Variants in WNK2 observed in about 807,000 individuals in gnomAD.
WNK2 encodes the protein serine/threonine-protein kinase WNK2.
WNK2 carries 67 observed loss-of-function variants against 192.1 expected under a neutral mutation model. That is an observed-to-expected ratio of 0.35 (90% confidence interval 0.29 to 0.43). The LOEUF is 0.43. Ranked by LOEUF, WNK2 falls within the 20% of genes least tolerant of loss-of-function variation. The pLI is 1.00. For synonymous variants in WNK2, 1,439 were observed against 1,393.9 expected (o/e 1.03, Z -0.72); for missense variants, 2,698 against 3,089.7 (o/e 0.87, Z 3.01).
Position 93,289,520 on chromosome 9 carries a change from G to C in WNK2, c.4766G>C (p.Arg1589Thr), listed in dbSNP as rs774830728. 1 of 1,601,920 alleles carries C rather than the reference G, an allele frequency of 6.2e-7. No individual in the cohort carries two copies. Among genetic ancestry groups the C allele is most frequent in the East Asian group, 2.2e-5 (1 of 44,548 alleles). Residue 1589 changes from arginine to threonine, a missense_variant, in exon 20 of 30, where the codon AGA becomes ACA. Physicochemically the swap from Arg to Thr is moderately conservative, Grantham distance 71 (BLOSUM62 -1). Around this residue, in one of 7 missense-constraint regions of WNK2, gnomAD observed 1,098 missense variants for 1,101.0 expected, o/e 1.00. Coordinates refer to ENST00000427277, the MANE Select transcript of WNK2 (RefSeq NM_006648.4). ...GDRDFTLEPLRGDQPRSEVCG... is the reference protein window; with the variant it reads ...GDRDFTLEPLTGDQPRSEVCG... ...AGAGACTTCACCCTGGAGCCCCTGAGAGGGGACCAGCCCCGCTCAGAGGTC... is the reference window on the plus strand; with the variant it reads ...AGAGACTTCACCCTGGAGCCCCTGACAGGGGACCAGCCCCGCTCAGAGGTC...
At chr9:93,294,757 G>C (rs1198268119) in intron 23 of WNK2, among the ~76,000 whole-genome samples, 1 of 152,112 alleles carries the variant, frequency 6.6e-6, no homozygotes, top group Non-Finnish European at 1.5e-5. Context: ...GTGATTGGGA[G>C]CCAGGGGCAG....
At chr9:93,293,480 C>G (rs1188222121) in intron 23 of WNK2, among the ~76,000 whole-genome samples, 1 of 152,082 alleles carries the variant, frequency 6.6e-6, no homozygotes, top group Non-Finnish European at 1.5e-5. Flanking sequence ...CCACCACGCC[C>G]GGTTGATTTT....
chr9:93,308,923 C>T, intron 28 of WNK2: 1 of 1,149,026 alleles, frequency 8.7e-7, no homozygotes, highest in African/African-American at 1.6e-5. Context: ...CAGACAGGCC[C>T]ACCTCTGCCT....
In WNK2 at chr9:93,263,942, T is replaced by C. The variant is rs1564123296; in HGVS notation, c.3605T>C (p.Val1202Ala). ...LNVCNTGDKM[V>A]ECQLETHNHK... ...GTGTGCAACACTGGGGACAAGATGG[T>C]GGAGTGCCAGCTGGAGACGCACAAC... Residue 1202 changes from valine (V) to alanine (A), a missense_variant, in exon 16 of 30, where the codon GTG (valine) becomes GCG (alanine). By Grantham distance (64) the Val-to-Ala change is moderately conservative (BLOSUM62 0). Transcript: ENST00000427277. The C allele has an allele frequency of 6.2e-7, 1 of 1,612,448 alleles. No individual in the cohort carries two copies.
intron 19 of WNK2, among the ~76,000 whole-genome samples, chr9:93,271,311 G>A (rs921843666): frequency 8.5e-5 from 13 of 152,290 alleles, no homozygotes; most frequent in African/African-American, 2.6e-4. Flanking sequence ...GTTTAAACAA[G>A]TCTCAGGATT....
At position 93,289,187 on chromosome 9, in the gene WNK2, C is replaced by T. The variant is rs547984904; in HGVS notation, c.4433C>T (p.Pro1478Leu). Residue 1478 changes from proline (P) to leucine (L), a missense_variant, in exon 20 of 30, where the codon CCT (proline) becomes CTT (leucine). Pro to Leu is a moderately conservative substitution (Grantham distance 98, BLOSUM62 -3). Coordinates refer to ENST00000427277, the MANE Select transcript of WNK2 (RefSeq NM_006648.4). Reference sequence around the variant, plus strand: ...GCCCCAAGGGAGCCCCTGCCACCTCCTGCACCTGAGCCCAGCCCCCACAGC... The same window carrying T: ...GCCCCAAGGGAGCCCCTGCCACCTCTTGCACCTGAGCCCAGCCCCCACAGC... ...ASAPREPLPP[P>L]APEPSPHSGT... 2 of 1,602,008 alleles carry T rather than the reference C, an allele frequency of 1.2e-6. No individual in the cohort carries two copies. Among genetic ancestry groups the T allele is most frequent in the Admixed American group, 3.4e-5 (2 of 59,592 alleles).
chr9:93,318,153 G>A, intron 29 of WNK2: 1 of 1,510,826 alleles, frequency 6.6e-7, no homozygotes, highest in Non-Finnish European at 8.8e-7. Context: ...CTGATGAAAA[G>A]ATATGTTAAA....
chr9:93,286,435 C>A (rs1381776256), intron 19 of WNK2, among the ~76,000 whole-genome samples: 4 of 152,132 alleles, frequency 2.6e-5, no homozygotes, highest in Non-Finnish European at 5.9e-5. Context: ...TAAGTATTAT[C>A]AGGGAAATGC....
intron 2 of WNK2, among the ~76,000 whole-genome samples, chr9:93,199,730 C>G (rs1463500352): frequency 6.6e-6 from 1 of 151,772 alleles, no homozygotes; most frequent in Non-Finnish European, 1.5e-5. Context: ...AACCCCGTCT[C>G]TACTAAAAAT....
chr9:93,282,858 T>C (rs1451853701), intron 19 of WNK2, among the ~76,000 whole-genome samples: 1 of 152,212 alleles, frequency 6.6e-6, no homozygotes, highest in East Asian at 1.9e-4. Context: ...CACTGTTTTT[T>C]CATGCACACA....
At chr9:93,235,272 G>C (rs1376938042) in intron 5 of WNK2, among the ~76,000 whole-genome samples, 1 of 152,220 alleles carries the variant, frequency 6.6e-6, no homozygotes, top group Non-Finnish European at 1.5e-5. Flanking sequence ...GAGGCTCAGA[G>C]AGGCTGGAGC....
At chr9:93,286,197 T>C (rs908914122) in intron 19 of WNK2, among the ~76,000 whole-genome samples, 2 of 151,496 alleles carry the variant, frequency 1.3e-5, no homozygotes, top group African/African-American at 4.9e-5. Flanking sequence ...AAAACTATTG[T>C]TTATCAAAAG....
chr9:93,239,213 C>T lies in WNK2; in HGVS notation c.1323-544C>T, dbSNP rs528861693. Among the ~76,000 whole-genome samples, 2 of 152,338 alleles carry T rather than the reference C, an allele frequency of 1.3e-5. No homozygotes were observed. The highest frequency in any genetic ancestry group is 3.9e-4 in the East Asian group (2 of 5,172). ...AGGCTGGGTCTGGCTGGGGCCCCCCCAGTTCTGCAGGTCCTCACTCTCCTC... is the reference window on the plus strand; with the variant it reads ...AGGCTGGGTCTGGCTGGGGCCCCCCTAGTTCTGCAGGTCCTCACTCTCCTC... On this transcript the variant is annotated intron_variant, in intron 6 of 29. Coordinates refer to ENST00000427277, the MANE Select transcript of WNK2 (RefSeq NM_006648.4). This position sits in a 1 kb window ranked among gnomAD's most constrained non-coding sequence, Gnocchi z 4.2.
intron 7 of WNK2, among the ~76,000 whole-genome samples, chr9:93,242,625 G>A (rs1429277191): frequency 9.2e-5 from 14 of 152,246 alleles, no homozygotes; most frequent in Admixed American, 9.2e-4. Context: ...CTGAGGATTG[G>A]GATGGTGGCT....
Position 93,244,371 on chromosome 9 carries a change from A to T in WNK2, c.1543-3172A>T, listed in dbSNP as rs372971670. Among the ~76,000 whole-genome samples, 11 of 152,266 alleles carry T rather than the reference A, an allele frequency of 7.2e-5. No individual in the cohort carries two copies. The East Asian group carries it at 1.7e-3, about 24-fold the overall frequency. ...ACTCTGGGAGTCGACCCCCAAGGGG[A>T]TTCCCAGCCAGCCCTCCCCTCCACC... On this transcript the variant is annotated intron_variant, in intron 7 of 29. Coordinates refer to ENST00000427277, the MANE Select transcript of WNK2 (RefSeq NM_006648.4).
At chr9:93,301,726 G>A (rs961055880) in intron 26 of WNK2, among the ~76,000 whole-genome samples, 2 of 152,226 alleles carry the variant, frequency 1.3e-5, no homozygotes, top group African/African-American at 4.8e-5. Context: ...ATCTGGGGCT[G>A]TCACTGGGGG....
Position 93,262,737 on chromosome 9 carries a change from C to T in WNK2, c.3410+18C>T, listed in dbSNP as rs761281926. 195 of 1,611,416 alleles carry T rather than the reference C, an allele frequency of 1.2e-4. 1 individual carries two copies. Among genetic ancestry groups the T allele is most frequent in the Middle Eastern group, 9.9e-4 (6 of 6,058 alleles). The stretch of plus-strand genomic sequence containing the variant: ...TGTGAGAGGTAGTGTGGCCCAGCCT[C>T]GACCTCGCAGGACGGGTGTAGGGGC... On this transcript the variant is annotated intron_variant, in intron 14 of 29. Transcript: ENST00000427277.
At position 93,200,833 on chromosome 9, in the gene WNK2, C is replaced by T. The variant is rs1353160369; in HGVS notation, c.681+15223C>T. On this transcript the variant is annotated intron_variant, in intron 2 of 29. Coordinates refer to ENST00000427277, the MANE Select transcript of WNK2 (RefSeq NM_006648.4). ...ATGAAAGTGAATAAACTTGGCTAGG[C>T]GCATTTATGAGAAGGATGAAATAGG... 4.6e-5 allele frequency among the ~76,000 whole-genome samples: 7 copies of T among 151,940 alleles called. No individual in the cohort carries two copies. The East Asian group carries it at 5.8e-4, about 13-fold the overall frequency.
At chr9:93,278,870 CAAAG>C (rs1365445153) in intron 19 of WNK2, among the ~76,000 whole-genome samples, 1 of 152,026 alleles carries the variant, frequency 6.6e-6, no homozygotes, top group Non-Finnish European at 1.5e-5. Context: ...AACTAGAAAA[CAAAG>C]AAAAACAATT....
Sources: gnomAD v4.1 joint callset for allele counts (sites outside exome capture counted in the v4.1 genomes callset) on GRCh38, gnomAD v4.1.1 for gene constraint, gnomAD v4.1.1 regional missense constraint, Gnocchi (gnomAD v3.1) non-coding constraint, MANE v1.5 for transcripts, NCBI Gene and HGNC (gene_info 2026-07-23, HGNC 2026-07-21) for gene names.